The following VPS13D variants were observed in gnomAD, a reference collection of about 807,000 sequenced individuals.
VPS13D encodes the protein vacuolar protein sorting 13 homolog D.
Under a neutral mutation model 461.9 loss-of-function variants are expected in VPS13D, and 187 were observed. That is an observed-to-expected ratio of 0.40 (90% CI 0.36 to 0.46). The LOEUF is 0.46. Among genes scored for constraint, VPS13D ranks in the 20% least tolerant of loss-of-function variants. The probability of loss-of-function intolerance (pLI) is 0.60; values close to 1 mark genes in which losing one functional copy is unlikely to be tolerated. For missense variants in VPS13D, 4,711 were observed against 5,364.9 expected (o/e 0.88, Z 3.81); for synonymous variants, 1,951 against 1,986.3 (o/e 0.98, Z 0.47).
intron 60 of VPS13D, among the ~76,000 whole-genome samples, chr1:12,396,996 C>T (rs1052464505): frequency 7.2e-5 from 11 of 152,104 alleles, no homozygotes; most frequent in African/African-American, 2.7e-4. Context: ...TGCAGTGGTA[C>T]GATCTCTGCT....
intron 65 of VPS13D, among the ~76,000 whole-genome samples, chr1:12,429,184 A>G (rs1644962349): frequency 6.6e-6 from 1 of 151,542 alleles, no homozygotes; most frequent in Non-Finnish European, 1.5e-5. Flanking sequence ...TCCAGGTTGT[A>G]TCCATGTGGG....
intron 63 of VPS13D, among the ~76,000 whole-genome samples, chr1:12,404,884 T>C (rs956244043): frequency 6.6e-6 from 1 of 152,146 alleles, no homozygotes; most frequent in East Asian, 1.9e-4. Context: ...CTTGGACCCA[T>C]TGGTTCTGGT....
chr1:12,425,847 G>T (rs920050230), intron 65 of VPS13D, among the ~76,000 whole-genome samples: 4 of 152,138 alleles, frequency 2.6e-5, no homozygotes, highest in African/African-American at 9.7e-5. Flanking sequence ...AAATTAATTT[G>T]GGAGGCAGCC....
chr1:12,354,026 A>G lies in VPS13D; in HGVS notation c.9484A>G (p.Ile3162Val), dbSNP rs370818130. ...ENYPDYMPSN[I>V]FSDSAKQIFR... ...TTATCCAGATTATATGCCCTCAAAC[A>G]TATTTTCTGACAGTGCAAAACAGAT... The change falls in exon 47 of 70, where the codon ATA (isoleucine) becomes GTA (valine). Residue 3162 changes from isoleucine (I) to valine (V), a missense_variant. Ile to Val is a conservative substitution (Grantham distance 29). Around this residue, in one of 3 missense-constraint regions of VPS13D, gnomAD observed 4,411 missense variants for 4,937.8 expected, o/e 0.89. Coordinates refer to ENST00000620676, the MANE Select transcript of VPS13D (RefSeq NM_015378.4). 5 of 1,614,228 alleles carry G rather than the reference A, an allele frequency of 3.1e-6. No homozygotes were observed. Among genetic ancestry groups the G allele is most frequent in the East Asian group, 2.2e-5 (1 of 44,878 alleles).
rs575848904 is a variant in VPS13D at position 12,252,726 on chromosome 1, C to T, written c.565-996C>T. On this transcript the variant is annotated intron_variant, in intron 6 of 69. Transcript: ENST00000620676. ...AGTGAAGGTTGCAGTGAGCTGAGAT[C>T]ATGCCACTGCACTCCAGCCTGGGTG... 9.6e-5 allele frequency among the ~76,000 whole-genome samples: 14 copies of T among 145,754 alleles called. 1 individual carries two copies. Among genetic ancestry groups the T allele is most frequent in the African/African-American group, 3.6e-4 (14 of 39,272 alleles).
chr1:12,290,530 G>T (rs954418576), intron 22 of VPS13D, among the ~76,000 whole-genome samples: 19 of 152,142 alleles, frequency 1.2e-4, no homozygotes, highest in Non-Finnish European at 2.2e-4. Context: ...AGACCATCCT[G>T]GCTAACACGG....
chr1:12,260,527 A>G (rs1641074291), intron 10 of VPS13D, among the ~76,000 whole-genome samples, 166 bp from the exon 11 acceptor site: 1 of 152,224 alleles, frequency 6.6e-6, no homozygotes, highest in Non-Finnish European at 1.5e-5. Flanking sequence ...TAAGCCAGAA[A>G]CAGCAATCAT....
intron 46 of VPS13D, among the ~76,000 whole-genome samples, chr1:12,352,482 G>T (rs892610976): frequency 2.8e-4 from 42 of 152,192 alleles, no homozygotes; most frequent in African/African-American, 1.0e-3. Flanking sequence ...AAGATGCTCA[G>T]TGTGATTATT....
At chr1:12,431,608 A>T (rs951227534) in intron 65 of VPS13D, among the ~76,000 whole-genome samples, 5 of 151,786 alleles carry the variant, frequency 3.3e-5, no homozygotes, top group Non-Finnish European at 5.9e-5. Context: ...CTCCCATACT[A>T]TACTGAGTTC....
intron 18 of VPS13D, among the ~76,000 whole-genome samples, chr1:12,274,026 A>T (rs544650312): frequency 6.6e-6 from 1 of 152,076 alleles, no homozygotes; most frequent in East Asian, 1.9e-4. Flanking sequence ...TAATATTTTG[A>T]GGAAGTACCA....
At chr1:12,334,002 AT>A (rs1643392019) in intron 38 of VPS13D, among the ~76,000 whole-genome samples, 1 of 152,192 alleles carries the variant, frequency 6.6e-6, no homozygotes, top group Non-Finnish European at 1.5e-5. Context: ...TCATTGTTTG[AT>A]TTATTGATCT....
chr1:12,372,811 T>C (rs1644139297), intron 54 of VPS13D, among the ~76,000 whole-genome samples: 2 of 151,558 alleles, frequency 1.3e-5, no homozygotes, highest in South Asian at 4.2e-4. Flanking sequence ...TTTTTTTTTT[T>C]TTTTTTTTGC....
chr1:12,359,784 A>T (rs1643923656), intron 50 of VPS13D, among the ~76,000 whole-genome samples: 1 of 152,244 alleles, frequency 6.6e-6, no homozygotes, highest in South Asian at 2.1e-4. Flanking sequence ...GTTGACATTA[A>T]GATTTTTAAA....
At chr1:12,484,504 T>A (rs988664384) in intron 67 of VPS13D, among the ~76,000 whole-genome samples, 10 of 152,346 alleles carry the variant, frequency 6.6e-5, no homozygotes, top group African/African-American at 2.4e-4. Flanking sequence ...GTTGACCAAG[T>A]ACATCAAGAG....
At chr1:12,239,198 C>T (rs578165091) in intron 2 of VPS13D, among the ~76,000 whole-genome samples, 1 of 151,956 alleles carries the variant, frequency 6.6e-6, no homozygotes, top group South Asian at 2.1e-4. Flanking sequence ...TGCAATGGCA[C>T]CATCAAGGTT....
At chr1:12,278,438 C>T (rs556154803) in intron 19 of VPS13D, among the ~76,000 whole-genome samples, 9 of 152,186 alleles carry the variant, frequency 5.9e-5, no homozygotes, top group African/African-American at 2.2e-4. Context: ...CCACGCCCGG[C>T]TAATTTTTGT....
At chr1:12,474,188 A>G (rs1049422442) in intron 67 of VPS13D, among the ~76,000 whole-genome samples, 1 of 152,136 alleles carries the variant, frequency 6.6e-6, no homozygotes, top group Non-Finnish European at 1.5e-5. Context: ...GCTTAAGGAA[A>G]TTAGGATGGG....
chr1:12,242,934 C>T (rs1640426019), intron 3 of VPS13D, among the ~76,000 whole-genome samples: 1 of 151,942 alleles, frequency 6.6e-6, no homozygotes. Context: ...TTTCCCCTTT[C>T]CCTTTTTCTT....
intron 60 of VPS13D, among the ~76,000 whole-genome samples, chr1:12,394,132 G>A (rs921163954): frequency 6.6e-6 from 1 of 152,156 alleles, no homozygotes; most frequent in African/African-American, 2.4e-5. Flanking sequence ...CAATGTAGTG[G>A]GGTCCTTCCT....
Sources: allele counts gnomAD v4.1 joint callset (sites outside exome capture counted in the v4.1 genomes callset), GRCh38; gene constraint gnomAD v4.1.1; regional missense constraint gnomAD v4.1.1; transcripts MANE v1.5; gene names NCBI Gene and HGNC (gene_info 2026-07-23, HGNC 2026-07-21).